NRG1: variants seen among roughly 807,000 people sequenced by gnomAD.
The protein encoded by NRG1 is neuregulin 1.
Under a neutral mutation model 63.8 loss-of-function variants are expected in NRG1, and 18 were observed. The observed-to-expected ratio is 0.28, with a 90% confidence interval of 0.19 to 0.42. The LOEUF (loss-of-function observed/expected upper bound fraction) is 0.42. Ranked by LOEUF, NRG1 falls within the 10% of genes least tolerant of loss-of-function variation. NRG1 has a pLI of 1.00. For synonymous variants in NRG1, 302 were observed against 301.3 expected (o/e 1.00, Z -0.02); for missense variants, 762 against 814.7 (o/e 0.94, Z 0.79).
chr8:31,844,241 C>G (rs950949688), intron 1 of NRG1, among the ~76,000 whole-genome samples: 2 of 152,160 alleles, frequency 1.3e-5, no homozygotes, highest in Non-Finnish European at 2.9e-5. Context: ...TTGAAACCTG[C>G]CCATCCCAAA....
rs560625670 is a variant in NRG1, at chr8:32,003,748, C to T, written c.37+364317C>T. Among the ~76,000 whole-genome samples, 189 of 151,784 alleles carry T rather than the reference C, an allele frequency of 1.2e-3. 1 individual carries two copies. The highest frequency in any genetic ancestry group is 5.6e-3 in the Admixed American group (86 of 15,224). On this transcript the variant is annotated intron_variant, in intron 1 of 10. Transcript: ENST00000519301. ...ACAAAATAAAGAAAATAATCCTTTA[C>T]CTAGCTACATTATTGCAAATTTTAG...
At chr8:32,624,188 A>G (rs1848801684) in intron 5 of NRG1, among the ~76,000 whole-genome samples, 1 of 152,254 alleles carries the variant, frequency 6.6e-6, no homozygotes. Context: ...TCTACTCCTT[A>G]TCTAAACAGC....
At chr8:31,742,481 T>TTTTTTTTTTTTTA (rs1815391455) in intron 1 of NRG1, among the ~76,000 whole-genome samples, 3 of 134,280 alleles carry the variant, frequency 2.2e-5, no homozygotes, top group African/African-American at 2.6e-5. Flanking sequence ...TTTTTTTTTT[T>TTTTTTTTTTTTTA]AACGAAAGCT....
At chr8:31,903,148 CTT>C (rs35433200) in intron 1 of NRG1, among the ~76,000 whole-genome samples, 7 of 125,492 alleles carry the variant, frequency 5.6e-5, no homozygotes, top group Admixed American at 8.6e-5. Context: ...GAGCCTTCAA[CTT>C]TTTTTTTTTT....
chr8:31,958,513 A>G (rs138874200), intron 1 of NRG1, among the ~76,000 whole-genome samples: 1 of 152,130 alleles, frequency 6.6e-6, no homozygotes, highest in Non-Finnish European at 1.5e-5. Context: ...CTTGCTTAGG[A>G]GACAAAGACC....
chr8:31,983,614 T>C (rs1034396951), intron 1 of NRG1, among the ~76,000 whole-genome samples: 6 of 152,024 alleles, frequency 3.9e-5, no homozygotes, highest in African/African-American at 9.7e-5. Context: ...ACTCCAGGGT[T>C]CATGTGATGT....
rs113970275 is a variant in NRG1 at position 31,747,310 on chromosome 8, C to G, written c.37+107879C>G. Among the ~76,000 whole-genome samples, 483 of 151,900 alleles carry G rather than the reference C, an allele frequency of 3.2e-3. 4 individuals are homozygous for G. The highest frequency in any genetic ancestry group is 0.01 in the African/African-American group (421 of 41,482). The stretch of plus-strand genomic sequence containing the variant: ...AATATATACACCTACTGTGTATCCA[C>G]AAAAAAAGTGTTGGAAGAGTGTTGT... On this transcript the variant is annotated intron_variant, in intron 1 of 10. Transcript: ENST00000519301.
In NRG1 at chr8:31,819,948, C is replaced by T. The variant is rs1331104145; in HGVS notation, c.37+180517C>T. Among the ~76,000 whole-genome samples, 11 of 152,306 alleles carry T rather than the reference C, an allele frequency of 7.2e-5. No homozygotes were observed. The South Asian group carries it at 2.3e-3, about 32-fold the overall frequency. On this transcript the variant is annotated intron_variant, in intron 1 of 10. Coordinates refer to the NRG1 transcript ENST00000519301. ...TTCTTCATCTTTACATCAAGTTTCT[C>T]ATCTTTACATTCCTCTAATTCAGGT...
At chr8:32,368,929 C>T (rs1808439979) in intron 1 of NRG1, among the ~76,000 whole-genome samples, 1 of 152,212 alleles carries the variant, frequency 6.6e-6, no homozygotes, top group Admixed American at 6.5e-5. Flanking sequence ...TTATTTCTTT[C>T]TTTCTCTTCT....
chr8:31,852,964 A>G lies in NRG1; in HGVS notation c.37+213533A>G, dbSNP rs574982029. 5.7e-4 allele frequency among the ~76,000 whole-genome samples: 87 copies of G among 151,858 alleles called. 1 individual carries two copies. In the East Asian group the frequency reaches 0.012, roughly 20 times the overall value. On this transcript the variant is annotated intron_variant, in intron 1 of 10. Coordinates refer to the NRG1 transcript ENST00000519301. ...CTGAGGGCTCTGTTCTGTTCCATTG[A>G]TCTATATCTCTGTTTTGGTACCAGT...
intron 1 of NRG1, among the ~76,000 whole-genome samples, chr8:32,007,387 A>G (rs1295964788): frequency 6.6e-6 from 1 of 152,050 alleles, no homozygotes; most frequent in African/African-American, 2.4e-5. Context: ...TCTGCTCAGA[A>G]TCCTCTCTAA....
At position 32,742,112 on chromosome 8, in the gene NRG1, A is replaced by T; in HGVS notation, c.633-563A>T. On this transcript the variant is annotated intron_variant, in intron 6 of 11. Transcript: ENST00000356819. The surrounding 1 kb of genome is among the most constrained non-coding windows in gnomAD (Gnocchi z 4.2). ...TAATCTGAAATTTGCTTTCTCCCCCAACTACAGCAACAATCACTACCACTT... is the reference window on the plus strand; with the variant it reads ...TAATCTGAAATTTGCTTTCTCCCCCTACTACAGCAACAATCACTACCACTT... The T allele has an allele frequency of 6.6e-7, 1 of 1,515,270 alleles. No individual in the cohort carries two copies. Among genetic ancestry groups the T allele is most frequent in the Non-Finnish European group, 9.2e-7 (1 of 1,090,592 alleles). The allele number at this position is 1,515,270 out of a possible 1,614,324, so 93.9% of individuals were successfully genotyped here. A position where few individuals can be genotyped will look rare whatever the true frequency, so the allele number is the denominator to read the frequency against.
At chr8:32,624,371 G>A (rs1300465130) in intron 5 of NRG1, among the ~76,000 whole-genome samples, 1 of 152,178 alleles carries the variant, frequency 6.6e-6, no homozygotes, top group African/African-American at 2.4e-5. Context: ...ACCACATGGT[G>A]TAGAATCATT....
intron 1 of NRG1, among the ~76,000 whole-genome samples, chr8:32,477,301 C>T (rs1824650704): frequency 6.6e-6 from 1 of 152,056 alleles, no homozygotes; most frequent in Non-Finnish European, 1.5e-5. Flanking sequence ...TCATCGTATT[C>T]GCCTCTGTAA....
intron 1 of NRG1, among the ~76,000 whole-genome samples, chr8:31,793,698 A>G (rs1820925953): frequency 6.6e-6 from 1 of 152,178 alleles, no homozygotes; most frequent in African/African-American, 2.4e-5. Context: ...AAACAAAGCT[A>G]TATTTATCCT....
At chr8:31,944,872 C>T (rs1483228919) in intron 1 of NRG1, among the ~76,000 whole-genome samples, 1 of 152,170 alleles carries the variant, frequency 6.6e-6, no homozygotes, top group Non-Finnish European at 1.5e-5. Flanking sequence ...AATGCTTTTG[C>T]ATCACAGAGT....
intron 1 of NRG1, among the ~76,000 whole-genome samples, chr8:32,338,236 T>C (rs1394930709): frequency 6.6e-6 from 1 of 152,174 alleles, no homozygotes. Flanking sequence ...ATAAATAACG[T>C]CTTTGCCTTG....
intron 1 of NRG1, among the ~76,000 whole-genome samples, chr8:32,089,856 A>G (rs568309742): frequency 5.3e-5 from 8 of 152,362 alleles, no homozygotes; most frequent in African/African-American, 1.7e-4. Flanking sequence ...TTTCATTTTC[A>G]TAATACTTTT....
intron 1 of NRG1, among the ~76,000 whole-genome samples, chr8:32,515,732 G>T (rs1311377080): frequency 1.3e-5 from 2 of 152,086 alleles, no homozygotes; most frequent in Non-Finnish European, 2.9e-5. Flanking sequence ...AAGCCACTAT[G>T]CTCAGGCCTT....
Sources: allele counts gnomAD v4.1 joint callset (sites outside exome capture counted in the v4.1 genomes callset), GRCh38; gene constraint gnomAD v4.1.1; non-coding constraint Gnocchi (gnomAD v3.1); transcripts MANE v1.5; gene names NCBI Gene and HGNC (gene_info 2026-07-23, HGNC 2026-07-21).